MMP27: variants seen among roughly 807,000 people sequenced by gnomAD.
The protein encoded by MMP27 is matrix metallopeptidase 27, also known as matrix metalloproteinase-27.
MMP27 carries 51 observed loss-of-function variants against 48.1 expected under a neutral mutation model. The ratio of observed to expected loss-of-function variants is 1.06; its 90% CI spans 0.85 to 1.34. The LOEUF (loss-of-function observed/expected upper bound fraction) is 1.34. MMP27 is among the 40% of genes most tolerant of loss of function. The probability of loss-of-function intolerance (pLI) is 0.00; values close to 1 mark genes in which losing one functional copy is unlikely to be tolerated. For synonymous variants in MMP27, 229 were observed against 208.9 expected, an observed-to-expected ratio of 1.10 and a Z score of -0.83; for missense variants, 698 against 619.3, an observed-to-expected ratio of 1.13 and a Z score of -1.35.
chr11:102,694,496 A>T (rs1565425574), intron 7 of MMP27, among the ~76,000 whole-genome samples: 1 of 152,192 alleles, frequency 6.6e-6, no homozygotes, highest in African/African-American at 2.4e-5. Context: ...ATCTGATAAG[A>T]TCATGATCAT....
At chr11:102,701,198 A>G (rs1860933379) in intron 4 of MMP27, among the ~76,000 whole-genome samples, 1 of 152,112 alleles carries the variant, frequency 6.6e-6, no homozygotes, top group African/African-American at 2.4e-5. Flanking sequence ...CCTTTTTGGA[A>G]CTGCTGCCTG....
intron 9 of MMP27, 134 bp from the exon 10 acceptor site, chr11:102,692,144 A>C (rs1860737891): frequency 2.6e-6 from 2 of 761,888 alleles, no homozygotes; most frequent in Non-Finnish European, 3.9e-6. Flanking sequence ...CATACATTTT[A>C]GTTTTCTACT....
chr11:102,703,800 A>G (rs1329077311), intron 2 of MMP27, among the ~76,000 whole-genome samples: 1 of 152,240 alleles, frequency 6.6e-6, no homozygotes, highest in Non-Finnish European at 1.5e-5. Context: ...CTGGGATTAC[A>G]GGCATGAGCC....
At chr11:102,703,585 C>T (rs369401699) in intron 2 of MMP27, among the ~76,000 whole-genome samples, 150 of 151,878 alleles carry the variant, frequency 9.9e-4, no homozygotes, top group Non-Finnish European at 1.4e-3. Context: ...TGCAGTGGCG[C>T]GACCTCGGCT....
intron 4 of MMP27, among the ~76,000 whole-genome samples, chr11:102,701,256 G>C (rs1860934656): frequency 6.6e-6 from 1 of 151,976 alleles, no homozygotes; most frequent in African/African-American, 2.4e-5. Context: ...CTCTTGCCTT[G>C]CTCAAGCGAG....
intron 8 of MMP27, among the ~76,000 whole-genome samples, chr11:102,693,572 C>T (rs1282900806): frequency 6.6e-6 from 1 of 151,976 alleles, no homozygotes; most frequent in African/African-American, 2.4e-5. Flanking sequence ...CGCTTGAGCC[C>T]AGGAGTTCGA....
chr11:102,692,831 A>G (rs1860749893), intron 9 of MMP27, 107 bp downstream of exon 9: 5 of 821,250 alleles, frequency 6.1e-6, no homozygotes, highest in Middle Eastern at 2.7e-4. Context: ...TATACTTAAG[A>G]GTAGCAAAAT....
chr11:102,705,098 C>A (rs1206505651), intron 1 of MMP27, among the ~76,000 whole-genome samples: 1 of 152,184 alleles, frequency 6.6e-6, no homozygotes, highest in Non-Finnish European at 1.5e-5. Flanking sequence ...ACCTATCTTA[C>A]ATATTTTTGC....
intron 4 of MMP27, among the ~76,000 whole-genome samples, chr11:102,697,213 G>T (rs567035531): frequency 6.6e-6 from 1 of 152,274 alleles, no homozygotes; most frequent in South Asian, 2.1e-4. Context: ...ATTATTTAGC[G>T]CAATGGTAAG....
chr11:102,704,880 G>T (rs1861017639), intron 1 of MMP27, 105 bp from the exon 2 acceptor site: 5 of 660,236 alleles, frequency 7.6e-6, no homozygotes, highest in African/African-American at 5.5e-5. Context: ...CTGGCAATAG[G>T]AAAGGGGAAA....
chr11:102,696,746 T>A lies in MMP27; in HGVS notation c.709A>T (p.Asn237Tyr). 1 of 1,613,832 alleles carries A rather than the reference T, an allele frequency of 6.2e-7. No individual in the cohort carries two copies. The highest frequency in any genetic ancestry group is 2.2e-5 in the East Asian group (1 of 44,842). ...SNDQTALMFPNYVSLDPRKYP... is the reference protein window; with the variant it reads ...SNDQTALMFPYYVSLDPRKYP... ...TTTCTGGGATCCAGGGAGACATAAT[T>A]TGGGAACATCAAGGCTGTTTGATCA... The change falls in exon 5 of 10, where the codon AAT becomes TAT. Residue 237 changes from asparagine (N) to tyrosine (Y), a missense_variant. By Grantham distance (143) the Asn-to-Tyr change is moderately radical. Coordinates refer to ENST00000260229, the MANE Select transcript of MMP27 (RefSeq NM_022122.3).
chr11:102,705,600 A>G lies in MMP27; in HGVS notation c.102+13T>C, dbSNP rs1861033135. On this transcript the variant is annotated intron_variant, in intron 1 of 9. Coordinates refer to ENST00000260229, the MANE Select transcript of MMP27 (RefSeq NM_022122.3). ...TTATCAATAGTCATCGATATCATTT[A>G]TTAAGACAGTACCTGAGCCAGTTGC... The G allele has an allele frequency of 1.4e-6, 2 of 1,457,710 alleles. No individual in the cohort carries two copies. Among genetic ancestry groups the G allele is most frequent in the South Asian group, 2.5e-5 (2 of 78,542 alleles). The allele number at this position is 1,457,710 out of a possible 1,614,324, so 90.3% of individuals were successfully genotyped here. A position where few individuals can be genotyped will look rare whatever the true frequency, so the allele number is the denominator to read the frequency against.
chr11:102,705,516 C>T (rs1591664778), intron 1 of MMP27, 97 bp downstream of exon 1: 1 of 752,310 alleles, frequency 1.3e-6, no homozygotes, highest in East Asian at 3.0e-5. Flanking sequence ...AAGTTCAGGA[C>T]TCTTTTGCAG....
At chr11:102,704,406 C>A in intron 2 of MMP27, 131 bp downstream of exon 2, 2 of 740,914 alleles carry the variant, frequency 2.7e-6, no homozygotes, top group Non-Finnish European at 4.7e-6. Context: ...GGGAAGATAC[C>A]GTAAATGGAG....
chr11:102,702,646 G>C, intron 4 of MMP27, 107 bp downstream of exon 4: 1 of 1,277,452 alleles, frequency 7.8e-7, no homozygotes, highest in Non-Finnish European at 1.1e-6. Context: ...GGAAAATTGT[G>C]GGGACATTGG....
intron 9 of MMP27, 28 bp from the exon 10 acceptor site, chr11:102,692,038 T>A: frequency 6.4e-7 from 1 of 1,561,152 alleles, no homozygotes; most frequent in Non-Finnish European, 8.7e-7. Context: ...GGATTAGTTA[T>A]CTTTCATAAC....
chr11:102,697,334 A>G (rs1215560889), intron 4 of MMP27, among the ~76,000 whole-genome samples: 1 of 152,214 alleles, frequency 6.6e-6, no homozygotes, highest in African/African-American at 2.4e-5. Flanking sequence ...TGGAGCTTGC[A>G]GGACTGGAAG....
intron 4 of MMP27, among the ~76,000 whole-genome samples, chr11:102,701,786 C>T (rs183984260): frequency 8.5e-5 from 13 of 152,350 alleles, no homozygotes; most frequent in African/African-American, 3.1e-4. Context: ...ATCACCTGTT[C>T]TGACTGAGCA....
At chr11:102,704,033 A>G (rs1014213279) in intron 2 of MMP27, among the ~76,000 whole-genome samples, 1 of 152,162 alleles carries the variant, frequency 6.6e-6, no homozygotes, top group African/African-American at 2.4e-5. Context: ...CTTCCTGCCA[A>G]TGAGTCAGCC....
Sources: gnomAD v4.1 joint callset for allele counts (sites outside exome capture counted in the v4.1 genomes callset) on GRCh38, gnomAD v4.1.1 for gene constraint, MANE v1.5 for transcripts, NCBI Gene and HGNC (gene_info 2026-07-23, HGNC 2026-07-21) for gene names.